The following PHACTR1 variants were observed in gnomAD, a reference collection of about 807,000 sequenced individuals.
The protein encoded by PHACTR1 is phosphatase and actin regulator 1, also known as RPEL repeat containing 1.
In PHACTR1, 16 loss-of-function variants were observed where a neutral mutation model predicts 69.2. The observed-to-expected ratio is 0.23, with a 90% CI of 0.16 to 0.35. The LOEUF (loss-of-function observed/expected upper bound fraction) is 0.35, where lower values mean the gene tolerates loss of function less well. Among genes scored for constraint, PHACTR1 ranks in the 10% least tolerant of loss-of-function variants. The pLI, the probability that PHACTR1 is intolerant of heterozygous loss-of-function variation, is 1.00. For missense variants in PHACTR1, 510 were observed against 734.7 expected (o/e 0.69, Z 3.54); for synonymous variants, 312 against 284.5 (o/e 1.10, Z -0.97).
chr6:13,003,120 AAGAG>A (rs1165484298), intron 4 of PHACTR1, among the ~76,000 whole-genome samples: 2 of 152,224 alleles, frequency 1.3e-5, no homozygotes, highest in Non-Finnish European at 2.9e-5. Context: ...TGGGAAAAGA[AAGAG>A]AAAGGGGACT....
intron 4 of PHACTR1, among the ~76,000 whole-genome samples, chr6:12,807,839 G>A (rs978053793): frequency 5.3e-5 from 8 of 152,176 alleles, no homozygotes. Flanking sequence ...CATTGTGATA[G>A]CTTTAAAGGC....
intron 4 of PHACTR1, among the ~76,000 whole-genome samples, chr6:12,776,434 G>A (rs1235648710): frequency 1.3e-5 from 2 of 152,146 alleles, no homozygotes; most frequent in Admixed American, 6.5e-5. Flanking sequence ...TTAATCACTC[G>A]CAGCAGCTGA....
chr6:13,014,099 C>T (rs1561689825), intron 4 of PHACTR1, among the ~76,000 whole-genome samples: 1 of 152,162 alleles, frequency 6.6e-6, no homozygotes, highest in Non-Finnish European at 1.5e-5. Flanking sequence ...AGATCAAACA[C>T]ATTTGCAGCA....
At chr6:12,761,424 T>C (rs1398521012) in intron 4 of PHACTR1, among the ~76,000 whole-genome samples, 6 of 152,200 alleles carry the variant, frequency 3.9e-5, no homozygotes, top group Non-Finnish European at 8.8e-5. Flanking sequence ...TCAACTCTCA[T>C]CATTATATGA....
intron 4 of PHACTR1, among the ~76,000 whole-genome samples, chr6:12,870,276 G>A (rs1283531678): frequency 3.2e-4 from 48 of 152,184 alleles, no homozygotes; most frequent in Admixed American, 3.1e-3. Context: ...GACATTCTTT[G>A]ACACTCTCAT....
chr6:13,149,761 A>G (rs1461883830), intron 5 of PHACTR1, among the ~76,000 whole-genome samples: 2 of 152,158 alleles, frequency 1.3e-5, no homozygotes, highest in African/African-American at 2.4e-5. Context: ...ATGCAGCCCA[A>G]GACAGCTTTG....
chr6:13,107,501 G>C (rs938956416), intron 5 of PHACTR1, among the ~76,000 whole-genome samples: 2 of 152,186 alleles, frequency 1.3e-5, no homozygotes, highest in Non-Finnish European at 2.9e-5. Flanking sequence ...TCTGGACCTG[G>C]AGTATTCTTT....
chr6:12,952,394 A>T (rs772651678), intron 4 of PHACTR1, among the ~76,000 whole-genome samples: 2 of 150,800 alleles, frequency 1.3e-5, no homozygotes, highest in African/African-American at 2.4e-5. Flanking sequence ...CTCATTCATC[A>T]CTCCCTCCCC....
At chr6:12,870,152 G>GT (rs1215019978) in intron 4 of PHACTR1, among the ~76,000 whole-genome samples, 2 of 151,662 alleles carry the variant, frequency 1.3e-5, no homozygotes, top group African/African-American at 4.8e-5. Flanking sequence ...TGCTTCCCCT[G>GT]TATCAACAAC....
At chr6:12,877,602 A>G (rs770453012) in intron 4 of PHACTR1, among the ~76,000 whole-genome samples, 10 of 152,066 alleles carry the variant, frequency 6.6e-5, no homozygotes, top group Non-Finnish European at 1.3e-4. Context: ...CCTTGCCTAC[A>G]GAACTCTGAA....
At chr6:13,174,029 A>ATT (rs149463821) in intron 6 of PHACTR1, among the ~76,000 whole-genome samples, 1 of 150,754 alleles carries the variant, frequency 6.6e-6, no homozygotes, top group African/African-American at 2.4e-5. Flanking sequence ...TAATGAGTGG[A>ATT]TTTTTTTTTT....
intron 4 of PHACTR1, among the ~76,000 whole-genome samples, chr6:12,820,703 T>C (rs1220087060): frequency 1.3e-5 from 2 of 152,144 alleles, no homozygotes; most frequent in East Asian, 3.9e-4. Context: ...AAAACAGAAA[T>C]TAATTGGAAA....
intron 4 of PHACTR1, among the ~76,000 whole-genome samples, chr6:12,868,126 A>G (rs893928572): frequency 2.0e-5 from 3 of 152,064 alleles, no homozygotes; most frequent in African/African-American, 4.8e-5. Context: ...GCGTGGTGGC[A>G]CATACCTATA....
intron 7 of PHACTR1, among the ~76,000 whole-genome samples, chr6:13,198,525 G>A (rs1449011745): frequency 6.6e-6 from 1 of 151,986 alleles, no homozygotes; most frequent in Non-Finnish European, 1.5e-5. Flanking sequence ...TAACACAGGG[G>A]TGTCCAACCT....
chr6:12,970,272 C>T (rs549249339), intron 4 of PHACTR1, among the ~76,000 whole-genome samples: 4 of 152,306 alleles, frequency 2.6e-5, no homozygotes, highest in Admixed American at 2.0e-4. Flanking sequence ...AATTAGCCAA[C>T]AGGAGCAGTT....
At chr6:12,734,885 C>A (rs1007544767) in intron 3 of PHACTR1, among the ~76,000 whole-genome samples, 3 of 152,204 alleles carry the variant, frequency 2.0e-5, no homozygotes, top group Admixed American at 2.0e-4. Flanking sequence ...TTTCAGTTTT[C>A]TGATAGACAT....
intron 3 of PHACTR1, among the ~76,000 whole-genome samples, chr6:12,743,155 T>C (rs1230588286): frequency 6.1e-5 from 9 of 148,090 alleles, no homozygotes; most frequent in Admixed American, 5.4e-4. Context: ...ACTTGTTAGT[T>C]CACAAGAATA....
intron 5 of PHACTR1, among the ~76,000 whole-genome samples, chr6:13,062,650 C>T (rs1302602284): frequency 3.3e-5 from 5 of 152,196 alleles, no homozygotes; most frequent in African/African-American, 4.8e-5. Context: ...GCCTTCCATG[C>T]TAGCCCCAGA....
At chr6:12,999,239 T>C (rs1312722791) in intron 4 of PHACTR1, among the ~76,000 whole-genome samples, 1 of 152,238 alleles carries the variant, frequency 6.6e-6, no homozygotes, top group African/African-American at 2.4e-5. Context: ...GAATCATCTA[T>C]TGGAATACTA....
Sources: gnomAD v4.1 joint callset for allele counts (sites outside exome capture counted in the v4.1 genomes callset) on GRCh38, gnomAD v4.1.1 for gene constraint, MANE v1.5 for transcripts, NCBI Gene and HGNC (gene_info 2026-07-23, HGNC 2026-07-21) for gene names.